The following TBP variants were observed in gnomAD, a reference collection of about 807,000 sequenced individuals.
The protein encoded by TBP is TATA-box-binding protein.
In TBP, 12 loss-of-function variants were observed where a neutral mutation model predicts 46.2. The observed-to-expected ratio is 0.26, with a 90% CI of 0.17 to 0.42. The LOEUF (loss-of-function observed/expected upper bound fraction) is 0.42, where lower values mean the gene tolerates loss of function less well. TBP is among the 10% of genes least tolerant of loss of function. TBP has a pLI of 1.00. For missense variants in TBP, 229 were observed against 403.1 expected (o/e 0.57, Z 3.70); for synonymous variants, 157 against 148.3 (o/e 1.06, Z -0.42).
In TBP at chr6:170,557,123, C is replaced by G. The variant is rs777144535; in HGVS notation, c.54+40C>G. 5.1e-6 allele frequency: 8 copies of G among 1,572,888 alleles called. No individual in the cohort carries two copies. In the South Asian group the frequency reaches 8.9e-5, roughly 17 times the overall value. Reference sequence around the variant, plus strand: ...GGGAGAGAATAGGGAGGGCGGAAATCTGAACTGCAAGAGATGGTATCAAAA... The same window carrying G: ...GGGAGAGAATAGGGAGGGCGGAAATGTGAACTGCAAGAGATGGTATCAAAA... On this transcript the variant is annotated intron_variant, in intron 2 of 7. Coordinates refer to ENST00000392092, the MANE Select transcript of TBP (RefSeq NM_003194.5).
intron 7 of TBP, among the ~76,000 whole-genome samples, chr6:170,571,898 T>TG (rs1372171588): frequency 6.6e-6 from 1 of 151,702 alleles, no homozygotes; most frequent in Non-Finnish European, 1.5e-5. Context: ...CCGTCCTGCT[T>TG]GGTTTATGGC....
At chr6:170,556,572 T>G (rs1260587030) in intron 1 of TBP, among the ~76,000 whole-genome samples, 1 of 152,242 alleles carries the variant, frequency 6.6e-6, no homozygotes, top group Admixed American at 6.5e-5. Flanking sequence ...ACATTTTGCT[T>G]AGGAATTATT....
chr6:170,560,733 C>G (rs1471333408), intron 2 of TBP, among the ~76,000 whole-genome samples: 1 of 152,146 alleles, frequency 6.6e-6, no homozygotes, highest in Non-Finnish European at 1.5e-5. Context: ...AGCAAGTGAA[C>G]TAGAATTAGA....
At chr6:170,568,093 G>A (rs1779297943) in intron 5 of TBP, among the ~76,000 whole-genome samples, 1 of 152,168 alleles carries the variant, frequency 6.6e-6, no homozygotes, top group Non-Finnish European at 1.5e-5. Context: ...GATCTCCGAG[G>A]TTTTTCAGAA....
chr6:170,564,673 T>A lies in TBP; in HGVS notation c.585+41T>A. 3 of 1,357,050 alleles carry A rather than the reference T, an allele frequency of 2.2e-6. No individual in the cohort carries two copies. In the African/African-American group the frequency reaches 4.4e-5, roughly 20 times the overall value. 84.1% of individuals were successfully genotyped at this position (1,357,050 alleles called of 1,614,324 possible). On this transcript the variant is annotated intron_variant, in intron 4 of 7. Coordinates refer to ENST00000392092, the MANE Select transcript of TBP (RefSeq NM_003194.5). The stretch of plus-strand genomic sequence containing the variant: ...ATGTATTTCTTTTTTTTTTCTTTTT[T>A]GTCTCCTCTGCCGTGTCTCTATATT...
At position 170,569,750 on chromosome 6, in the gene TBP, C is replaced by G; in HGVS notation, c.816C>G (p.Gly272=). 6.2e-7 allele frequency: 1 copy of G among 1,613,680 alleles called. No homozygotes were observed. Among genetic ancestry groups the G allele is most frequent in the South Asian group, 1.1e-5 (1 of 90,984 alleles). The stretch of plus-strand genomic sequence containing the variant: ...TGAAGTTTCCTATAAGGTTAGAAGG[C>G]CTTGTGCTCACCCACCAACAATTTA... ...CDVKFPIRLE[G]LVLTHQQFSS... is the part of the protein sequence containing the mutation. Residue 272 remains glycine (G), a synonymous_variant, in exon 6 of 8, where the codon GGC becomes GGG. Coordinates refer to ENST00000392092, the MANE Select transcript of TBP (RefSeq NM_003194.5).
At chr6:170,566,163 TTTTA>T (rs1562361337) in intron 4 of TBP, among the ~76,000 whole-genome samples, 1 of 152,178 alleles carries the variant, frequency 6.6e-6, no homozygotes, top group Non-Finnish European at 1.5e-5. Context: ...ACATGTAGGT[TTTTA>T]TTGTATAATT....
In TBP at chr6:170,562,505, A is replaced by G. The variant is rs7765023; in HGVS notation, c.497+272A>G. 0.51 allele frequency among the ~76,000 whole-genome samples: 77,471 copies of G among 152,038 alleles called. 20,331 individuals are homozygous for G. The highest frequency in any genetic ancestry group is 0.78 in the East Asian group (4,059 of 5,176). ...ATTTAATCTGACTTTCACTGTCGTT[A>G]TTATTATATTATAGACATTTCCCTG... On this transcript the variant is annotated intron_variant, in intron 3 of 7. Transcript: ENST00000392092.
intron 2 of TBP, among the ~76,000 whole-genome samples, chr6:170,558,020 G>A (rs12193323): frequency 0.043 from 6,520 of 152,240 alleles, 171 homozygotes; most frequent in Middle Eastern, 0.085. Flanking sequence ...TCTTAGCCCA[G>A]TGTACTGTTT....
At chr6:170,570,651 G>A (rs1027626009) in intron 6 of TBP, among the ~76,000 whole-genome samples, 3 of 152,106 alleles carry the variant, frequency 2.0e-5, no homozygotes, top group Non-Finnish European at 4.4e-5. Context: ...TGGCCAACAT[G>A]GTGAAACCTC....
Position 170,569,539 on chromosome 6 carries a change from T to TA in TBP, c.678-72dup, listed in dbSNP as rs1278034179. ...TATTAGTTTACTGTTTTGGACTTTTTATAAGTTATTAGTCTAAATAAGTAT... is the reference window on the plus strand; with the variant it reads ...TATTAGTTTACTGTTTTGGACTTTTTAATAAGTTATTAGTCTAAATAAGTAT... On this transcript the variant is annotated intron_variant, in intron 5 of 7. Transcript: ENST00000392092. 91 of 1,401,802 alleles carry TA rather than the reference T, an allele frequency of 6.5e-5. No homozygotes were observed. The South Asian group carries it at 1.1e-3, about 17-fold the overall frequency. The allele number at this position is 1,401,802 out of a possible 1,614,324, so 86.8% of individuals were successfully genotyped here. A position where few individuals can be genotyped will look rare whatever the true frequency, so the allele number is the denominator to read the frequency against.
At chr6:170,562,372 C>T (rs1779166309) in intron 3 of TBP, 139 bp downstream of exon 3, 2 of 980,592 alleles carry the variant, frequency 2.0e-6, no homozygotes, top group African/African-American at 1.6e-5. Flanking sequence ...TGCTTTATCT[C>T]ACATTTGGGA....
In TBP at chr6:170,556,961, G is replaced by T; in HGVS notation, c.-69G>T. On this transcript the variant is annotated 5_prime_UTR_variant, in exon 2 of 8. Coordinates refer to ENST00000392092, the MANE Select transcript of TBP (RefSeq NM_003194.5). ...GAAGAGTGTGCTGGAGATGCTCTAG[G>T]AAAAAATTGAATAGTGAGACGAGTT... 2.0e-6 allele frequency: 3 copies of T among 1,508,042 alleles called. No individual in the cohort carries two copies. Among genetic ancestry groups the T allele is most frequent in the Non-Finnish European group, 2.8e-6 (3 of 1,085,758 alleles). 93.4% of individuals were successfully genotyped at this position (1,508,042 alleles called of 1,614,324 possible).
chr6:170,571,560 T>G, intron 7 of TBP, 56 bp downstream of exon 7: 1 of 1,343,062 alleles, frequency 7.4e-7, no homozygotes. Flanking sequence ...GAGTATGGCA[T>G]TTTCTCAGTG....
intron 4 of TBP, among the ~76,000 whole-genome samples, chr6:170,566,657 A>C (rs1779254453): frequency 6.6e-6 from 1 of 152,270 alleles, no homozygotes; most frequent in Non-Finnish European, 1.5e-5. Flanking sequence ...TCTTGATGGA[A>C]TGCTCATGTG....
intron 2 of TBP, among the ~76,000 whole-genome samples, chr6:170,560,020 C>CT (rs34956217): frequency 5.3e-5 from 8 of 152,200 alleles, no homozygotes; most frequent in Non-Finnish European, 1.0e-4. Flanking sequence ...ATTTTAAGCT[C>CT]TTTGAGATCT....
intron 5 of TBP, among the ~76,000 whole-genome samples, chr6:170,568,482 G>C (rs1305951318): frequency 6.6e-6 from 1 of 151,908 alleles, no homozygotes; most frequent in African/African-American, 2.4e-5. Context: ...TTGAGATGGA[G>C]TCTCGCTCTG....
At chr6:170,559,545 C>A (rs1779101653) in intron 2 of TBP, among the ~76,000 whole-genome samples, 1 of 152,170 alleles carries the variant, frequency 6.6e-6, no homozygotes, top group Non-Finnish European at 1.5e-5. Flanking sequence ...TAACTCTCTT[C>A]AATTCTGTAA....
At chr6:170,568,815 C>CCT (rs1779317786) in intron 5 of TBP, among the ~76,000 whole-genome samples, 1 of 62,610 alleles carries the variant, frequency 1.6e-5, no homozygotes, top group Non-Finnish European at 2.9e-5. Flanking sequence ...CTTTCCTTTT[C>CCT]TTTTTTTTTT....
Sources: gnomAD v4.1 joint callset for allele counts (sites outside exome capture counted in the v4.1 genomes callset) on GRCh38, gnomAD v4.1.1 for gene constraint, MANE v1.5 for transcripts, NCBI Gene and HGNC (gene_info 2026-07-23, HGNC 2026-07-21) for gene names.